The following PRIM2 variants were observed in gnomAD, a reference collection of about 807,000 sequenced individuals.
PRIM2 encodes DNA primase subunit 2.
Under a neutral mutation model 67.3 loss-of-function variants are expected in PRIM2, and 39 were observed. The ratio of observed to expected loss-of-function variants is 0.58; its 90% CI spans 0.45 to 0.76. The LOEUF (loss-of-function observed/expected upper bound fraction) is 0.76. Among genes scored for constraint, PRIM2 ranks in the 30% least tolerant of loss-of-function variants. The pLI, the probability that PRIM2 is intolerant of heterozygous loss-of-function variation, is 0.00. For missense variants in PRIM2, 398 were observed against 598.7 expected (o/e 0.66, Z 3.50); for synonymous variants, 143 against 198.7 (o/e 0.72, Z 2.36).
the PRIM2 span, among the ~76,000 whole-genome samples, chr6:57,222,934 C>T: frequency 6.6e-6 from 1 of 152,178 alleles, no homozygotes; most frequent in Non-Finnish European, 1.5e-5. Flanking sequence ...CCCCGCAGTT[C>T]CACGCCTGCA....
At chr6:57,289,005 C>T in the PRIM2 span, among the ~76,000 whole-genome samples, 1 of 152,100 alleles carries the variant, frequency 6.6e-6, no homozygotes, top group Non-Finnish European at 1.5e-5. Flanking sequence ...ACAAACTTCT[C>T]TGAGCTAAAG....
intron 7 of PRIM2, among the ~76,000 whole-genome samples, chr6:57,426,376 A>G (rs1301271038): frequency 8.5e-5 from 13 of 152,214 alleles, no homozygotes; most frequent in Admixed American, 8.5e-4. Context: ...TTGCTCAGCC[A>G]GGTTTCTGTG....
At chr6:57,240,918 A>G in the PRIM2 span, among the ~76,000 whole-genome samples, 1 of 151,954 alleles carries the variant, frequency 6.6e-6, no homozygotes, top group Non-Finnish European at 1.5e-5. Flanking sequence ...GCAAGACCTC[A>G]TCTCTACTAA....
intron 10 of PRIM2, among the ~76,000 whole-genome samples, chr6:57,580,897 A>AATATTC (rs1776071482): frequency 6.6e-6 from 1 of 152,192 alleles, no homozygotes; most frequent in African/African-American, 2.4e-5. Flanking sequence ...AATACTTGAA[A>AATATTC]ATATTCACTG....
intron 5 of PRIM2, among the ~76,000 whole-genome samples, chr6:57,360,407 G>A (rs1769159181): frequency 6.6e-6 from 1 of 152,020 alleles, no homozygotes. Flanking sequence ...TTTGGATTAT[G>A]GAAGGTAAGG....
At chr6:57,268,102 T>C in the PRIM2 span, among the ~76,000 whole-genome samples, 1 of 152,170 alleles carries the variant, frequency 6.6e-6, no homozygotes, top group African/African-American at 2.4e-5. Context: ...CCAAGCACAT[T>C]CCTAAAGTAT....
intron 8 of PRIM2, among the ~76,000 whole-genome samples, chr6:57,515,864 G>A (rs1774477224): frequency 6.6e-6 from 1 of 152,206 alleles, no homozygotes; most frequent in African/African-American, 2.4e-5. Context: ...CTAAAATCAA[G>A]GTGTCAGCAA....
chr6:57,236,649 A>C, the PRIM2 span, among the ~76,000 whole-genome samples: 1 of 151,672 alleles, frequency 6.6e-6, no homozygotes, highest in Non-Finnish European at 1.5e-5. Context: ...CCCACCTATG[A>C]GTGAGAACAT....
chr6:57,305,307 T>G, the PRIM2 span, among the ~76,000 whole-genome samples: 5 of 152,286 alleles, frequency 3.3e-5, no homozygotes, highest in South Asian at 1.0e-3. Context: ...ATAAAGTGTA[T>G]GCGAGCCTAT....
chr6:57,454,632 C>A (rs1772691002), intron 7 of PRIM2, among the ~76,000 whole-genome samples: 2 of 152,010 alleles, frequency 1.3e-5, no homozygotes, highest in African/African-American at 4.8e-5. Context: ...GTGGTGATAT[C>A]CCCTTTATCA....
At chr6:57,532,513 C>T in intron 9 of PRIM2, 30 bp downstream of exon 9, 1 of 1,115,548 alleles carries the variant, frequency 9.0e-7, no homozygotes, top group Middle Eastern at 2.2e-4. Flanking sequence ...AAACTTAGAA[C>T]TTTATCAATG....
intron 10 of PRIM2, among the ~76,000 whole-genome samples, chr6:57,594,908 T>A (rs1776339560): frequency 6.6e-6 from 1 of 152,312 alleles, no homozygotes; most frequent in East Asian, 1.9e-4. Context: ...TAAAGAATTA[T>A]TCAATTATGG....
At chr6:57,597,101 C>CCAA (rs1776380476) in intron 10 of PRIM2, among the ~76,000 whole-genome samples, 1 of 151,808 alleles carries the variant, frequency 6.6e-6, no homozygotes, top group African/African-American at 2.4e-5. Flanking sequence ...GAGTACGCAA[C>CCAA]CAAGTCCCTG....
chr6:57,345,474 ATGTGTGTGTGTG>A (rs754685184), intron 5 of PRIM2, among the ~76,000 whole-genome samples: 1 of 124,652 alleles, frequency 8.0e-6, no homozygotes, highest in Non-Finnish European at 1.7e-5. Context: ...ATATATATAT[ATGTGTGTGTGTG>A]TGTGTGTGTG....
chr6:57,606,386 C>T lies in PRIM2; in HGVS notation c.1159C>T (p.Arg387Cys), dbSNP rs1256394711. 3.8e-5 allele frequency: 61 copies of T among 1,595,854 alleles called. No individual in the cohort carries two copies. Among genetic ancestry groups the T allele is most frequent in the South Asian group, 3.2e-4 (28 of 87,828 alleles). ...TTTTTTGTTGTCAGGGTGCCCATTC[C>T]GTCACAGTGATCCAGAGCTGCTGAA... Reference protein sequence around the residue: ...SQGDYHGCPFRHSDPELLKQK... With the variant: ...SQGDYHGCPFCHSDPELLKQK... The change falls in exon 12 of 14, where the codon CGT becomes TGT. Residue 387 changes from arginine to cysteine, a missense_variant. Coordinates refer to ENST00000615550, the MANE Select transcript of PRIM2 (RefSeq NM_000947.5).
chr6:57,455,813 A>G (rs1772753014), intron 7 of PRIM2, among the ~76,000 whole-genome samples: 1 of 152,118 alleles, frequency 6.6e-6, no homozygotes, highest in Non-Finnish European at 1.5e-5. Context: ...TTATTTGTGA[A>G]TTTGATCCTG....
intron 7 of PRIM2, among the ~76,000 whole-genome samples, chr6:57,501,530 C>T (rs1408640829): frequency 3.3e-5 from 5 of 152,132 alleles, no homozygotes; most frequent in Non-Finnish European, 7.4e-5. Flanking sequence ...AAACTCCTGA[C>T]CTCAGGTGAT....
At chr6:57,231,360 T>C in the PRIM2 span, among the ~76,000 whole-genome samples, 1 of 152,198 alleles carries the variant, frequency 6.6e-6, no homozygotes, top group Admixed American at 6.5e-5. Flanking sequence ...TTCTACTTGG[T>C]AAATACTTAT....
intron 7 of PRIM2, among the ~76,000 whole-genome samples, chr6:57,453,781 C>T (rs534719698): frequency 6.6e-6 from 1 of 152,110 alleles, no homozygotes; most frequent in East Asian, 1.9e-4. Flanking sequence ...CCTTTATTTC[C>T]TTCTCCTGCC....
Sources: gnomAD v4.1 joint callset for allele counts (sites outside exome capture counted in the v4.1 genomes callset) on GRCh38, gnomAD v4.1.1 for gene constraint, MANE v1.5 for transcripts, NCBI Gene and HGNC (gene_info 2026-07-23, HGNC 2026-07-21) for gene names.